The following SFT2D2 variants were observed in gnomAD, a reference collection of about 807,000 sequenced individuals.
The protein encoded by SFT2D2 is SFT2 domain containing 2, also known as vesicle transport protein SFT2B.
A neutral mutation model predicts 27.4 loss-of-function variants in SFT2D2; 21 were observed. The ratio of observed to expected loss-of-function variants is 0.77; its 90% CI spans 0.54 to 1.10. The LOEUF is 1.10. SFT2D2 is among the 50% of genes least tolerant of loss of function. The probability of loss-of-function intolerance (pLI) is 0.00; values close to 1 mark genes in which losing one functional copy is unlikely to be tolerated. For missense variants in SFT2D2, 187 were observed against 194.2 expected (o/e 0.96, Z 0.22); for synonymous variants, 72 against 71.7 (o/e 1.00, Z -0.02).
Position 168,242,523 on chromosome 1 carries a change from G to C in SFT2D2, c.466G>C (p.Ala156Pro), listed in dbSNP as rs776435820. 1.2e-6 allele frequency: 2 copies of C among 1,614,026 alleles called. No individual in the cohort carries two copies. Among genetic ancestry groups the C allele is most frequent in the African/African-American group, 2.7e-5 (2 of 74,904 alleles). The change falls in exon 8 of 8, where the codon GCC (alanine) becomes CCC (proline). Residue 156 changes from alanine to proline, a missense_variant. Coordinates refer to ENST00000271375, the MANE Select transcript of SFT2D2 (RefSeq NM_199344.3). Reference sequence around the variant, plus strand: ...TAGGGATGCTGTGAAGAAGTGTTTTGCCGTGTGTCTTGCATAATTCATGGC... The same window carrying C: ...TAGGGATGCTGTGAAGAAGTGTTTTCCCGTGTGTCTTGCATAATTCATGGC... Reference protein sequence around the residue: ...FARDAVKKCFAVCLA With the variant: ...FARDAVKKCFPVCLA
At chr1:168,238,413 T>C (rs1647561575) in intron 6 of SFT2D2, among the ~76,000 whole-genome samples, 1 of 151,950 alleles carries the variant, frequency 6.6e-6, no homozygotes, top group Non-Finnish European at 1.5e-5. Flanking sequence ...GCCAAGACTT[T>C]GGGAGGCTGA....
Position 168,245,664 on chromosome 1 carries a change from C to T in SFT2D2, c.*3124C>T, listed in dbSNP as rs1647789271. 1 of 150,228 alleles carries T rather than the reference C, an allele frequency of 6.7e-6. No homozygotes were observed. Among genetic ancestry groups the T allele is most frequent in the East Asian group, 2.0e-4 (1 of 5,096 alleles). 9.3% of individuals were successfully genotyped at this position (150,228 alleles called of 1,614,324 possible). A position where few individuals can be genotyped will look rare whatever the true frequency, so the allele number is the denominator to read the frequency against. On this transcript the variant is annotated 3_prime_UTR_variant, in exon 8 of 8. Coordinates refer to ENST00000271375, the MANE Select transcript of SFT2D2 (RefSeq NM_199344.3). ...CCACAGTAACTCTCCTGCTGTGCAG[C>T]TGGTTCCTAACAGGTCATGGACCTG...
At position 168,231,568 on chromosome 1, in the gene SFT2D2, T is replaced by G. The variant is rs1296340883; in HGVS notation, c.118T>G (p.Cys40Gly). The G allele has an allele frequency of 1.2e-6, 2 of 1,614,002 alleles. No homozygotes were observed. Among genetic ancestry groups the G allele is most frequent in the Admixed American group, 3.3e-5 (2 of 59,988 alleles). ...TACCAGGATAAAAGGCTTCATTGCG[T>G]GTTTTGCTATAGGAATTCTCTGCTC... ...WSTRIKGFIA[C>G]FAIGILCSLL... Residue 40 changes from cysteine (C) to glycine (G), a missense_variant, in exon 2 of 8, where the codon TGT becomes GGT. Transcript: ENST00000271375.
In SFT2D2 at chr1:168,226,104, A is replaced by G. The variant is rs1003868697; in HGVS notation, c.25A>G (p.Ser9Gly). MDKLKKVL[S>G]GQDTEDRSGL... ...AATGGACAAGCTGAAGAAGGTGCTG[A>G]GCGGGCAGGACACGGAGGACCGGAG... The change falls in exon 1 of 8, where the codon AGC becomes GGC. Residue 9 changes from serine (S) to glycine (G), a missense_variant. Coordinates refer to ENST00000271375, the MANE Select transcript of SFT2D2 (RefSeq NM_199344.3). The G allele has an allele frequency of 6.5e-7, 1 of 1,534,996 alleles. No homozygotes were observed. The highest frequency in any genetic ancestry group is 8.8e-7 in the Non-Finnish European group (1 of 1,140,100).
In SFT2D2 at chr1:168,231,740, G is replaced by A. The variant is rs1647319284; in HGVS notation, c.151-94G>A. ...AGAGGGGAATAAGGGAGGTGGGGAGGGAAACGGACTCCTCAGGGCTTCCTC... is the reference window on the plus strand; with the variant it reads ...AGAGGGGAATAAGGGAGGTGGGGAGAGAAACGGACTCCTCAGGGCTTCCTC... On this transcript the variant is annotated intron_variant, in intron 2 of 7. Coordinates refer to ENST00000271375, the MANE Select transcript of SFT2D2 (RefSeq NM_199344.3). 7 of 1,460,050 alleles carry A rather than the reference G, an allele frequency of 4.8e-6. No homozygotes were observed. In the Admixed American group the frequency reaches 1.2e-4, roughly 25 times the overall value. The allele number at this position is 1,460,050 out of a possible 1,614,324, so 90.4% of individuals were successfully genotyped here. A position where few individuals can be genotyped will look rare whatever the true frequency, so the allele number is the denominator to read the frequency against.
chr1:168,227,293 C>T (rs1233102829), intron 1 of SFT2D2, among the ~76,000 whole-genome samples: 2 of 152,214 alleles, frequency 1.3e-5, no homozygotes, highest in Non-Finnish European at 1.5e-5. Context: ...CGTTCCCCAT[C>T]TGTGAAATGA....
At chr1:168,233,935 C>A (rs75381742) in intron 3 of SFT2D2, among the ~76,000 whole-genome samples, 1 of 152,196 alleles carries the variant, frequency 6.6e-6, no homozygotes, top group Non-Finnish European at 1.5e-5. Context: ...GAAGTGTTCT[C>A]TTAGTTGGGA....
chr1:168,228,627 A>G (rs1436866525), intron 1 of SFT2D2, among the ~76,000 whole-genome samples: 1 of 152,232 alleles, frequency 6.6e-6, no homozygotes, highest in Non-Finnish European at 1.5e-5. Flanking sequence ...TATGAATAGT[A>G]TCTAATTTTA....
chr1:168,233,627 CAATACT>C (rs1647392895), intron 3 of SFT2D2, among the ~76,000 whole-genome samples: 1 of 152,036 alleles, frequency 6.6e-6, no homozygotes, highest in Non-Finnish European at 1.5e-5. Flanking sequence ...AAGCTTTCTC[CAATACT>C]AACTTTGGGT....
intron 7 of SFT2D2, among the ~76,000 whole-genome samples, chr1:168,241,372 T>C (rs1647640592): frequency 6.6e-6 from 1 of 151,906 alleles, no homozygotes; most frequent in South Asian, 2.1e-4. Flanking sequence ...TTTGTATTTT[T>C]AGTAGAGATG....
rs1441492901 is a variant in SFT2D2 at position 168,239,045 on chromosome 1, ATTC to A, written c.414-83_414-81del. 4.0e-6 allele frequency: 4 copies of A among 1,006,042 alleles called. No individual in the cohort carries two copies. The Admixed American group carries it at 6.8e-5, about 17-fold the overall frequency. 62.3% of individuals were successfully genotyped at this position (1,006,042 alleles called of 1,614,324 possible). A position where few individuals can be genotyped will look rare whatever the true frequency, so the allele number is the denominator to read the frequency against. On this transcript the variant is annotated intron_variant, in intron 6 of 7. Transcript: ENST00000271375. ...AGGGTCTGGATAGATCACTGCAGGT[ATTC>A]TTACAGCTCAGAAGCCCATTCTGCT...
chr1:168,240,902 ACT>A (rs1344820498), intron 7 of SFT2D2, among the ~76,000 whole-genome samples: 1 of 151,952 alleles, frequency 6.6e-6, no homozygotes, highest in Non-Finnish European at 1.5e-5. Context: ...ACAGAGGGAG[ACT>A]CTGTCTCAAA....
intron 1 of SFT2D2, among the ~76,000 whole-genome samples, chr1:168,229,282 C>T (rs1048098763): frequency 2.0e-5 from 3 of 152,308 alleles, no homozygotes; most frequent in Admixed American, 6.5e-5. Flanking sequence ...TGCAGTGGCT[C>T]GATCTCGGCT....
chr1:168,241,149 A>C (rs1466337422), intron 7 of SFT2D2, among the ~76,000 whole-genome samples: 1 of 151,448 alleles, frequency 6.6e-6, no homozygotes, highest in Non-Finnish European at 1.5e-5. Flanking sequence ...TGCTGAGGAG[A>C]CGAATTACTC....
chr1:168,242,714 C>T lies in SFT2D2; in HGVS notation c.*174C>T, dbSNP rs571378208. On this transcript the variant is annotated 3_prime_UTR_variant, in exon 8 of 8. Coordinates refer to ENST00000271375, the MANE Select transcript of SFT2D2 (RefSeq NM_199344.3). ...ACTTTTGGAAGCAACAATACATTCT[C>T]GAACCTGAATGTCAGTAGCACAGGA... The T allele has an allele frequency of 5.1e-5, 37 of 726,086 alleles. No individual in the cohort carries two copies. Among genetic ancestry groups the T allele is most frequent in the East Asian group, 3.8e-4 (14 of 36,988 alleles). The allele number at this position is 726,086 out of a possible 1,614,324, so 45.0% of individuals were successfully genotyped here. A position where few individuals can be genotyped will look rare whatever the true frequency, so the allele number is the denominator to read the frequency against.
At chr1:168,237,306 T>C (rs1166161168) in intron 6 of SFT2D2, among the ~76,000 whole-genome samples, 3 of 152,222 alleles carry the variant, frequency 2.0e-5, no homozygotes, top group Non-Finnish European at 4.4e-5. Context: ...TCAGCGTATG[T>C]GCTCAGAGGC....
rs1647682439 is a variant in SFT2D2, at chr1:168,242,724, T to C, written c.*184T>C. 3 of 673,116 alleles carry C rather than the reference T, an allele frequency of 4.5e-6. No individual in the cohort carries two copies. The highest frequency in any genetic ancestry group is 2.3e-5 in the Admixed American group (1 of 43,948). 41.7% of individuals were successfully genotyped at this position (673,116 alleles called of 1,614,324 possible). A position where few individuals can be genotyped will look rare whatever the true frequency, so the allele number is the denominator to read the frequency against. On this transcript the variant is annotated 3_prime_UTR_variant, in exon 8 of 8. Transcript: ENST00000271375. The stretch of plus-strand genomic sequence containing the variant: ...GCAACAATACATTCTCGAACCTGAA[T>C]GTCAGTAGCACAGGATGAGAAGTGG...
intron 7 of SFT2D2, 60 bp from the exon 8 acceptor site, chr1:168,242,441 C>T (rs554189563): frequency 2.3e-4 from 364 of 1,607,298 alleles, no homozygotes; most frequent in Admixed American, 3.5e-4. Context: ...TGGGTGCCCT[C>T]TAAAGGAGTG....
In SFT2D2 at chr1:168,231,552, A is replaced by G. The variant is rs773150422; in HGVS notation, c.102A>G (p.Ile34Met). Residue 34 changes from isoleucine (I) to methionine (M), a missense_variant, in exon 2 of 8, where the codon ATA becomes ATG. Coordinates refer to ENST00000271375, the MANE Select transcript of SFT2D2 (RefSeq NM_199344.3). The part of the protein sequence containing the change: ...EASSLSWSTR[I>M]KGFIACFAIG... The stretch of plus-strand genomic sequence containing the variant: ...CTTCATTAAGCTGGAGTACCAGGAT[A>G]AAAGGCTTCATTGCGTGTTTTGCTA... 1 of 1,614,040 alleles carries G rather than the reference A, an allele frequency of 6.2e-7. No homozygotes were observed. Among genetic ancestry groups the G allele is most frequent in the Non-Finnish European group, 8.5e-7 (1 of 1,179,984 alleles).
Sources: allele counts gnomAD v4.1 joint callset (sites outside exome capture counted in the v4.1 genomes callset), GRCh38; gene constraint gnomAD v4.1.1; transcripts MANE v1.5; gene names NCBI Gene and HGNC (gene_info 2026-07-23, HGNC 2026-07-21).